Variants in DNAJC10 observed in about 807,000 individuals in gnomAD.
DNAJC10 encodes the protein endoplasmic reticulum disulfide reductase DNAJC10.
Under a neutral mutation model 115.0 loss-of-function variants are expected in DNAJC10, and 101 were observed. That is an observed-to-expected ratio of 0.88 (90% CI 0.75 to 1.04). DNAJC10 has a LOEUF of 1.04. DNAJC10 is among the 50% of genes least tolerant of loss of function. The pLI is 0.00. For synonymous variants in DNAJC10, 307 were observed against 301.5 expected (o/e 1.02, Z -0.19); for missense variants, 981 against 928.8 (o/e 1.06, Z -0.73).
At chr2:182,750,943 G>A (rs1440662456) in intron 14 of DNAJC10, among the ~76,000 whole-genome samples, 2 of 152,024 alleles carry the variant, frequency 1.3e-5, no homozygotes, top group Non-Finnish European at 2.9e-5. Context: ...TGATATCCAA[G>A]TACAGTTTTT....
intron 7 of DNAJC10, 39 bp downstream of exon 7, chr2:182,729,033 A>G: frequency 2.5e-6 from 4 of 1,599,102 alleles, no homozygotes; most frequent in Non-Finnish European, 3.4e-6. Context: ...TTTGTGAAAC[A>G]TTATGACAAG....
chr2:182,788,013 G>C lies in DNAJC10; in HGVS notation c.*10881G>C, dbSNP rs1260113596. On this transcript the variant is annotated 3_prime_UTR_variant, in exon 24 of 24. Transcript: ENST00000264065. ...AAAAATTAAGGCATATTATTTTACT[G>C]TACTCTCAGAAAGATGTTTAACAAA... The C allele has an allele frequency of 6.6e-6, 1 of 152,196 alleles. No homozygotes were observed. Among genetic ancestry groups the C allele is most frequent in the Non-Finnish European group, 1.5e-5 (1 of 68,042 alleles). 9.4% of individuals were successfully genotyped at this position (152,196 alleles called of 1,614,324 possible).
In DNAJC10 at chr2:182,747,359, A is replaced by G. The variant is rs534386824; in HGVS notation, c.1306+3647A>G. ...GTCACAATATTGAGTCTTCCTACCC[A>G]TGAGCATGGAATGTTCTTCCATTTG... is the stretch of plus-strand genomic sequence containing the variant. On this transcript the variant is annotated intron_variant, in intron 14 of 23. Transcript: ENST00000264065. Among the ~76,000 whole-genome samples, 4 of 152,248 alleles carry G rather than the reference A, an allele frequency of 2.6e-5. No individual in the cohort carries two copies. In the East Asian group the frequency reaches 7.7e-4, roughly 29 times the overall value.
chr2:182,722,746 GC>G (rs1295283514), intron 5 of DNAJC10, among the ~76,000 whole-genome samples: 4 of 152,166 alleles, frequency 2.6e-5, no homozygotes, highest in African/African-American at 9.6e-5. Flanking sequence ...TTAGAAACCA[GC>G]CTGGCCAACA....
chr2:182,759,089 C>A, intron 20 of DNAJC10, 71 bp from the exon 21 acceptor site: 1 of 1,326,286 alleles, frequency 7.5e-7, no homozygotes, highest in Non-Finnish European at 1.0e-6. Flanking sequence ...GAAAGTATTA[C>A]AATATTATTG....
rs985066241 is a variant in DNAJC10, at chr2:182,783,343, A to G, written c.*6211A>G. 3 of 152,230 alleles carry G rather than the reference A, an allele frequency of 2.0e-5. No individual in the cohort carries two copies. Among genetic ancestry groups the G allele is most frequent in the African/African-American group, 7.2e-5 (3 of 41,462 alleles). 9.4% of individuals were successfully genotyped at this position (152,230 alleles called of 1,614,324 possible). ...CTAAAACATGGTTCTGAAGCCAGTT[A>G]ACTAGCAAAAAGTCCCACCTATGCA... is the stretch of plus-strand genomic sequence containing the variant. On this transcript the variant is annotated 3_prime_UTR_variant, in exon 24 of 24. Coordinates refer to ENST00000264065, the MANE Select transcript of DNAJC10 (RefSeq NM_018981.4).
intron 14 of DNAJC10, among the ~76,000 whole-genome samples, chr2:182,749,911 A>G (rs992477168): frequency 6.6e-6 from 1 of 152,170 alleles, no homozygotes; most frequent in African/African-American, 2.4e-5. Context: ...TCTGAAGTCT[A>G]GACTGGCTAC....
Position 182,716,501 on chromosome 2 carries a change from G to T in DNAJC10, c.-204+18G>T, listed in dbSNP as rs1393330897. 6.6e-6 allele frequency: 1 copy of T among 152,588 alleles called. No homozygotes were observed. Among genetic ancestry groups the T allele is most frequent in the Non-Finnish European group, 1.5e-5 (1 of 68,348 alleles). 9.5% of individuals were successfully genotyped at this position (152,588 alleles called of 1,614,324 possible). A position where few individuals can be genotyped will look rare whatever the true frequency, so the allele number is the denominator to read the frequency against. On this transcript the variant is annotated intron_variant, in intron 1 of 23. Transcript: ENST00000264065. ...ATGGCAAGGTGGGCATGGGCCCGGG[G>T]CTAGGGCTTTGCTGGAGCCGGTGGT...
chr2:182,752,163 C>CAGTT lies in DNAJC10; in HGVS notation c.1527_1530dup (p.His511SerfsTer3), dbSNP rs1559015634. The CAGTT allele has an allele frequency of 1.2e-6, 2 of 1,608,568 alleles. No individual in the cohort carries two copies. The highest frequency in any genetic ancestry group is 2.7e-5 in the African/African-American group (2 of 74,920). ...CTTAAGTTTGGTACACTAGATTGTA[C>CAGTT]AGTTCATGAGGGACTCTGTAACATG... On this transcript the variant is annotated frameshift_variant, in exon 16 of 24. Transcript: ENST00000264065. LOFTEE classifies it high-confidence loss of function.
At chr2:182,759,049 T>G in intron 20 of DNAJC10, 111 bp from the exon 21 acceptor site, 1 of 1,058,510 alleles carries the variant, frequency 9.4e-7, no homozygotes, top group South Asian at 1.6e-5. Flanking sequence ...CTTTATTACA[T>G]TGCCCTTCCT....
rs751026793 is a variant in DNAJC10 at position 182,756,387 on chromosome 2, A to T, written c.1727A>T (p.Asn576Ile). Reference protein sequence around the residue: ...FNELVTQRKHNEVWMVDFYSP... With the variant: ...FNELVTQRKHIEVWMVDFYSP... ...GAACTAGTTACACAAAGAAAACACA[A>T]CGAAGTCTGGATGGTTGATTTCTAT... The change falls in exon 18 of 24, where the codon AAC becomes ATC. Residue 576 changes from asparagine to isoleucine, a missense_variant. Coordinates refer to ENST00000264065, the MANE Select transcript of DNAJC10 (RefSeq NM_018981.4). 6.8e-6 allele frequency: 11 copies of T among 1,613,836 alleles called. No individual in the cohort carries two copies. In the African/African-American group the frequency reaches 1.3e-4, roughly 20 times the overall value.
chr2:182,739,809 T>C (rs1453463589), intron 11 of DNAJC10: 3 of 993,840 alleles, frequency 3.0e-6, no homozygotes, highest in Non-Finnish European at 3.6e-6. Flanking sequence ...CACTTCTAAG[T>C]TCCTCTTAAT....
intron 22 of DNAJC10, among the ~76,000 whole-genome samples, chr2:182,769,481 G>T (rs944834033): frequency 4.6e-5 from 7 of 152,084 alleles, no homozygotes; most frequent in African/African-American, 1.7e-4. Flanking sequence ...ATCCTCTCCA[G>T]CATCTGTTGT....
chr2:182,783,416 C>CA lies in DNAJC10; in HGVS notation c.*6290dup, dbSNP rs1694890308. ...TTAGATAAAGTATATGGCGTTAAGG[C>CA]AAAAAATACATATACACACACAAAA... is the stretch of plus-strand genomic sequence containing the variant. On this transcript the variant is annotated 3_prime_UTR_variant, in exon 24 of 24. Transcript: ENST00000264065. 1 of 151,890 alleles carries CA rather than the reference C, an allele frequency of 6.6e-6. No homozygotes were observed. The highest frequency in any genetic ancestry group is 2.4e-5 in the African/African-American group (1 of 41,372). 9.4% of individuals were successfully genotyped at this position (151,890 alleles called of 1,614,324 possible). A position where few individuals can be genotyped will look rare whatever the true frequency, so the allele number is the denominator to read the frequency against.
intron 3 of DNAJC10, among the ~76,000 whole-genome samples, chr2:182,719,205 C>T (rs1442775090): frequency 6.8e-6 from 1 of 147,748 alleles, no homozygotes; most frequent in African/African-American, 2.5e-5. Context: ...TTATGAAGCA[C>T]AGTAACAAGG....
chr2:182,722,071 ATT>A lies in DNAJC10; in HGVS notation c.416_417del (p.Phe139Ter). ...AAATCATAACATTGGAAAGAAGAGA[ATT>A]TGGTAAGTTTGTGGGCTTAAGGTTT... ...PEIITLERRE[F>X]DAAVNSGELW... On this transcript the variant is annotated frameshift_variant and splice_region_variant, in exon 5 of 24. Transcript: ENST00000264065. LOFTEE classifies it high-confidence loss of function. 1 of 1,564,924 alleles carries A rather than the reference ATT, an allele frequency of 6.4e-7. No individual in the cohort carries two copies. The highest frequency in any genetic ancestry group is 8.7e-7 in the Non-Finnish European group (1 of 1,150,838).
Position 182,720,141 on chromosome 2 carries a change from A to G in DNAJC10, c.339A>G (p.Glu113=). Reference sequence around the variant, plus strand: ...AGGATAATCAAGGTGGCCAGTATGAAAGCTGGAACTATTATCGTTATGATT... The same window carrying G: ...AGGATAATCAAGGTGGCCAGTATGAGAGCTGGAACTATTATCGTTATGATT... The part of the protein sequence containing the change: ...GLEDNQGGQY[E]SWNYYRYDFG... Residue 113 remains glutamate, a synonymous_variant, in exon 4 of 24, where the codon GAA becomes GAG. Transcript: ENST00000264065. The G allele has an allele frequency of 6.2e-7, 1 of 1,610,090 alleles. No homozygotes were observed. The highest frequency in any genetic ancestry group is 1.1e-5 in the South Asian group (1 of 90,198).
chr2:182,759,100 C>T (rs1009676984), intron 20 of DNAJC10, 60 bp from the exon 21 acceptor site: 3 of 1,383,864 alleles, frequency 2.2e-6, no homozygotes, highest in South Asian at 2.7e-5. Context: ...AATATTATTG[C>T]ATTTCATATG....
rs188676162 is a variant in DNAJC10, at chr2:182,761,713, T to C, written c.2146-969T>C. 5.3e-5 allele frequency among the ~76,000 whole-genome samples: 8 copies of C among 152,228 alleles called. No individual in the cohort carries two copies. In the East Asian group the frequency reaches 1.5e-3, roughly 29 times the overall value. On this transcript the variant is annotated intron_variant, in intron 21 of 23. Coordinates refer to ENST00000264065, the MANE Select transcript of DNAJC10 (RefSeq NM_018981.4). Reference sequence around the variant, plus strand: ...GGGACATGCTGTGTTTGGATGCTTATGCGGCATTCACCCAAAGCAGGCCAA... The same window carrying C: ...GGGACATGCTGTGTTTGGATGCTTACGCGGCATTCACCCAAAGCAGGCCAA...
Sources: gnomAD v4.1 joint callset for allele counts (sites outside exome capture counted in the v4.1 genomes callset) on GRCh38, gnomAD v4.1.1 for gene constraint, MANE v1.5 for transcripts, NCBI Gene and HGNC (gene_info 2026-07-23, HGNC 2026-07-21) for gene names.